Variants in NPHP4 observed in about 807,000 individuals in gnomAD.
NPHP4 encodes nephrocystin 4.
NPHP4 carries 151 observed loss-of-function variants against 155.8 expected under a neutral mutation model. That is an observed-to-expected ratio of 0.97 (90% CI 0.85 to 1.11). NPHP4 has a LOEUF of 1.11. Among genes scored for constraint, NPHP4 ranks in the 50% least tolerant of loss-of-function variants. NPHP4 has a pLI of 0.00. For missense variants in NPHP4, 1,956 were observed against 1,925.7 expected, an observed-to-expected ratio of 1.02 and a Z score of -0.29; for synonymous variants, 845 against 816.8, an observed-to-expected ratio of 1.03 and a Z score of -0.59.
chr1:5,882,449 C>T lies in NPHP4; in HGVS notation c.2486-2210G>A, dbSNP rs984366134. 1 of 153,338 alleles carries T rather than the reference C, an allele frequency of 6.5e-6. No individual in the cohort carries two copies. The highest frequency in any genetic ancestry group is 1.5e-5 in the Non-Finnish European group (1 of 68,702). 9.5% of individuals were successfully genotyped at this position (153,338 alleles called of 1,614,324 possible). A position where few individuals can be genotyped will look rare whatever the true frequency, so the allele number is the denominator to read the frequency against. On this transcript the variant is annotated intron_variant, in intron 18 of 29. Coordinates refer to ENST00000378156, the MANE Select transcript of NPHP4 (RefSeq NM_015102.5). This position sits in a 1 kb window ranked among gnomAD's most constrained non-coding sequence, Gnocchi z 5.1. ...TGCCAATGTCCCAGTAGCTGACACCCCCCGCCTCTTGTTCTTTCTCCTTGA... is the reference window on the plus strand; with the variant it reads ...TGCCAATGTCCCAGTAGCTGACACCTCCCGCCTCTTGTTCTTTCTCCTTGA...
chr1:5,943,450 C>T (rs1326980695), intron 9 of NPHP4, among the ~76,000 whole-genome samples: 2 of 152,162 alleles, frequency 1.3e-5, no homozygotes, highest in African/African-American at 2.4e-5. Flanking sequence ...CCACAAAGGG[C>T]CCCTAGACAC....
rs867719492 is a variant in NPHP4 at position 5,877,154 on chromosome 1, A to G, written c.2756T>C (p.Met919Thr). 6.2e-7 allele frequency: 1 copy of G among 1,604,678 alleles called. No individual in the cohort carries two copies. Among genetic ancestry groups the G allele is most frequent in the Non-Finnish European group, 8.5e-7 (1 of 1,173,736 alleles). Residue 919 changes from methionine to threonine, a missense_variant, in exon 20 of 30, where the codon ATG becomes ACG. Physicochemically the swap from Met to Thr is moderately conservative, Grantham distance 81. Transcript: ENST00000378156. ...GGCCTCCTGCAGGCGCACAGACCTC[A>G]TCCGCTCCAGCTTACGCCTGCGGGT... ...DATRRRKLER[M>T]RSVRLQEAGG...
chr1:5,914,286 A>AAAAAAG (rs70977991), intron 11 of NPHP4, among the ~76,000 whole-genome samples: 37 of 139,918 alleles, frequency 2.6e-4, no homozygotes, highest in African/African-American at 1.1e-3. Flanking sequence ...AAAAAAAAAA[A>AAAAAAG]GGCCTGGTGT....
Position 5,864,360 on chromosome 1 carries a change from C to G in NPHP4, c.3974G>C (p.Cys1325Ser). The change falls in exon 28 of 30, where the codon TGC (cysteine) becomes TCC (serine). Residue 1325 changes from cysteine to serine, a missense_variant. By Grantham distance (112) the Cys-to-Ser change is moderately radical. Transcript: ENST00000378156. ...GACCTTGGAGATGAGCGGCTGGCGG[C>G]AGCAGAGGCACACGAGCCAGGAGGC... ...LVASWLVCLC[C>S]RQPLISKAFE... 3 of 1,608,356 alleles carry G rather than the reference C, an allele frequency of 1.9e-6. No individual in the cohort carries two copies. Among genetic ancestry groups the G allele is most frequent in the Non-Finnish European group, 2.5e-6 (3 of 1,177,354 alleles).
At position 5,867,298 on chromosome 1, in the gene NPHP4, T is replaced by C; in HGVS notation, c.3473-183A>G. The stretch of plus-strand genomic sequence containing the variant: ...GCATCCAAGCACTGTGTTCCCTGCA[T>C]GGACACCGCCCATCCAGCCCACTGC... On this transcript the variant is annotated intron_variant, in intron 24 of 29. Coordinates refer to ENST00000378156, the MANE Select transcript of NPHP4 (RefSeq NM_015102.5). The surrounding 1 kb of genome is among the most constrained non-coding windows in gnomAD (Gnocchi z 4.1). 8.5e-6 allele frequency: 5 copies of C among 590,716 alleles called. No individual in the cohort carries two copies. The highest frequency in any genetic ancestry group is 1.5e-5 in the Non-Finnish European group (5 of 330,982). The allele number at this position is 590,716 out of a possible 1,614,324, so 36.6% of individuals were successfully genotyped here.
At chr1:5,953,027 G>C (rs752384396) in intron 6 of NPHP4, among the ~76,000 whole-genome samples, 191 bp from the exon 7 acceptor site, 42 of 152,130 alleles carry the variant, frequency 2.8e-4, no homozygotes, top group Non-Finnish European at 5.7e-4. Context: ...TTCATTGGCA[G>C]TCCAAAATCT....
At position 5,948,741 on chromosome 1, in the gene NPHP4, T is replaced by C. The variant is rs141218497; in HGVS notation, c.811-490A>G. 1.1e-3 allele frequency among the ~76,000 whole-genome samples: 163 copies of C among 152,096 alleles called. 2 individuals carry two copies. The East Asian group carries it at 0.028, about 26-fold the overall frequency. On this transcript the variant is annotated intron_variant, in intron 7 of 29. Coordinates refer to ENST00000378156, the MANE Select transcript of NPHP4 (RefSeq NM_015102.5). ...GAGGCAGAGCTCATCACATTTCAAC[T>C]CTGTCTACCCAGAGACCTGAGACTG...
chr1:5,970,467 C>A (rs973655046), intron 3 of NPHP4, among the ~76,000 whole-genome samples: 21 of 152,136 alleles, frequency 1.4e-4, no homozygotes, highest in African/African-American at 5.1e-4. Flanking sequence ...CACGCCACCG[C>A]ACTCCAGCCT....
rs552900359 is a variant in NPHP4, at chr1:5,933,382, G to A, written c.1120-53C>T. On this transcript the variant is annotated intron_variant, in intron 9 of 29. Coordinates refer to ENST00000378156, the MANE Select transcript of NPHP4 (RefSeq NM_015102.5). ...TATGAGTTATCACAGAAGTCACCTG[G>A]AGAGGGGAAATCAACAGTGCTTTCA... is the stretch of plus-strand genomic sequence containing the variant. 91 of 1,460,944 alleles carry A rather than the reference G, an allele frequency of 6.2e-5. No individual in the cohort carries two copies. The African/African-American group carries it at 9.0e-4, about 15-fold the overall frequency. 90.5% of individuals were successfully genotyped at this position (1,460,944 alleles called of 1,614,324 possible). A position where few individuals can be genotyped will look rare whatever the true frequency, so the allele number is the denominator to read the frequency against.
chr1:5,981,716 TTA>T (rs1654734560), intron 2 of NPHP4, among the ~76,000 whole-genome samples: 1 of 152,234 alleles, frequency 6.6e-6, no homozygotes, highest in Admixed American at 6.5e-5. Context: ...TGAATTCTAT[TTA>T]TCTTCTTTTA....
In NPHP4 at chr1:5,866,368, C is replaced by T; in HGVS notation, c.3644+5G>A. On this transcript the variant is annotated splice_donor_5th_base_variant and intron_variant, in intron 26 of 29. Transcript: ENST00000378156. ...CCTCCAGGTCCCCAAAGCCTGTGCA[C>T]TTACGAGTAAATGATGACAAAGAAG... is the stretch of plus-strand genomic sequence containing the variant. 1.3e-6 allele frequency: 2 copies of T among 1,590,580 alleles called. No individual in the cohort carries two copies. The highest frequency in any genetic ancestry group is 1.7e-6 in the Non-Finnish European group (2 of 1,162,124).
In NPHP4 at chr1:5,904,794, C is replaced by T. The variant is rs191602135; in HGVS notation, c.1966G>A (p.Asp656Asn). The stretch of plus-strand genomic sequence containing the variant: ...TTTGGCCATGATGTTCCTCGGCAGT[C>T]CTGGGCCACTCTGAATCCAACAACA... ...QFLAFSRVAQ[D>N]CRGTSWPKTV... Residue 656 changes from aspartate (D) to asparagine (N), a missense_variant, in exon 16 of 30, where the codon GAC (aspartate) becomes AAC (asparagine). Transcript: ENST00000378156. The T allele has an allele frequency of 4.8e-4, 767 of 1,613,974 alleles. 7 individuals are homozygous for T. In the East Asian group the frequency reaches 0.013, roughly 28 times the overall value.
chr1:5,956,137 T>C (rs1367803151), intron 6 of NPHP4, among the ~76,000 whole-genome samples: 2 of 151,566 alleles, frequency 1.3e-5, no homozygotes, highest in African/African-American at 4.9e-5. Flanking sequence ...CCGACTTCCT[T>C]TAGGAAAGAT....
intron 9 of NPHP4, among the ~76,000 whole-genome samples, chr1:5,942,955 CCT>C (rs1166686725): frequency 6.6e-6 from 1 of 152,188 alleles, no homozygotes; most frequent in Non-Finnish European, 1.5e-5. Context: ...CAGGTTTGCC[CCT>C]GTTGCATTTC....
At chr1:5,924,273 ACTGGGGCCT>A (rs1211591379) in intron 11 of NPHP4, among the ~76,000 whole-genome samples, 3 of 152,156 alleles carry the variant, frequency 2.0e-5, no homozygotes, top group Non-Finnish European at 4.4e-5. Flanking sequence ...TAAACACGTA[ACTGGGGCCT>A]CTGAATGAGA....
chr1:5,912,252 CG>C (rs1044169029), intron 11 of NPHP4, among the ~76,000 whole-genome samples: 9 of 152,134 alleles, frequency 5.9e-5, no homozygotes, highest in Admixed American at 4.6e-4. Flanking sequence ...TAAAAAGTGA[CG>C]ATAGGCCGGG....
chr1:5,928,038 A>C (rs1646099825), intron 10 of NPHP4, among the ~76,000 whole-genome samples: 1 of 152,132 alleles, frequency 6.6e-6, no homozygotes, highest in African/African-American at 2.4e-5. Context: ...ATCTCTCTCG[A>C]GTTGTGAATG....
In NPHP4 at chr1:5,865,105, C is replaced by T. The variant is rs2100405406; in HGVS notation, c.3813G>A (p.Leu1271=). 1 of 1,613,588 alleles carries T rather than the reference C, an allele frequency of 6.2e-7. No homozygotes were observed. The highest frequency in any genetic ancestry group is 2.2e-5 in the East Asian group (1 of 44,878). ...ACAGCCCCCAGAGAGGCCGTACCTT[C>T]AGCTCCTGGGGATGAGAGGTGAAAG... ...VRAFTSHPQE[L]KTDPKGVFVL... Residue 1271 remains leucine, a synonymous_variant, in exon 27 of 30, where the codon CTG becomes CTA. Transcript: ENST00000378156.
At chr1:5,980,515 A>G (rs1570746110) in intron 2 of NPHP4, among the ~76,000 whole-genome samples, 1 of 152,122 alleles carries the variant, frequency 6.6e-6, no homozygotes, top group Non-Finnish European at 1.5e-5. Context: ...AAATGACACA[A>G]TCTGGTTCGG....
Sources: allele counts gnomAD v4.1 joint callset (sites outside exome capture counted in the v4.1 genomes callset), GRCh38; gene constraint gnomAD v4.1.1; non-coding constraint Gnocchi (gnomAD v3.1); transcripts MANE v1.5; gene names NCBI Gene and HGNC (gene_info 2026-07-23, HGNC 2026-07-21).